Variants in CACNA1H observed in about 807,000 individuals in gnomAD.
The protein encoded by CACNA1H is voltage-dependent T-type calcium channel subunit alpha-1H.
A neutral mutation model predicts 192.5 loss-of-function variants in CACNA1H; 149 were observed. The ratio of observed to expected loss-of-function variants is 0.77; its 90% CI spans 0.68 to 0.89. The LOEUF is 0.89. CACNA1H is among the 40% of genes least tolerant of loss of function. The probability of loss-of-function intolerance (pLI) is 0.00; values close to 1 mark genes in which losing one functional copy is unlikely to be tolerated. For synonymous variants in CACNA1H, 2,202 were observed against 1,475.2 expected, an observed-to-expected ratio of 1.49 and a Z score of -11.29; for missense variants, 4,257 against 3,423.5, an observed-to-expected ratio of 1.24 and a Z score of -6.08.
chr16:1,187,592 C>A (rs1966200923), intron 2 of CACNA1H, among the ~76,000 whole-genome samples: 1 of 152,202 alleles, frequency 6.6e-6, no homozygotes, highest in African/African-American at 2.4e-5. Flanking sequence ...GGCCCAGCCT[C>A]CCGATCCTCC....
chr16:1,219,193 C>T (rs1032652984), intron 34 of CACNA1H, 63 bp downstream of exon 34: 54 of 1,420,954 alleles, frequency 3.8e-5, no homozygotes, highest in African/African-American at 1.6e-4. Context: ...AGGGATGCCT[C>T]GTCTCATCTG....
chr16:1,166,916 C>T (rs1963847112), intron 2 of CACNA1H, among the ~76,000 whole-genome samples: 1 of 152,200 alleles, frequency 6.6e-6, no homozygotes. Context: ...ACCCTGGCTT[C>T]GTGTCTCTTG....
chr16:1,162,250 G>T (rs953136040), intron 2 of CACNA1H, among the ~76,000 whole-genome samples: 1 of 152,126 alleles, frequency 6.6e-6, no homozygotes, highest in Non-Finnish European at 1.5e-5. Flanking sequence ...CCTACCTGTG[G>T]CACTCTGTTA....
intron 26 of CACNA1H, 41 bp downstream of exon 26, chr16:1,212,569 G>T (rs781573084): frequency 6.3e-7 from 1 of 1,597,750 alleles, no homozygotes; most frequent in Non-Finnish European, 8.5e-7. Context: ...CCGCTTCTGC[G>T]GCCGCTGCTC....
Position 1,200,443 on chromosome 16 carries a change from G to A in CACNA1H, c.991G>A (p.Gly331Ser). 1 of 1,611,144 alleles carries A rather than the reference G, an allele frequency of 6.2e-7. No homozygotes were observed. The highest frequency in any genetic ancestry group is 1.1e-5 in the South Asian group (1 of 91,062). Reference protein sequence around the residue: ...AYTQPQAEGVGAARNACINWN... With the variant: ...AYTQPQAEGVSAARNACINWN... The stretch of plus-strand genomic sequence containing the variant: ...CACGCAGCCGCAGGCCGAGGGGGTG[G>A]GCGCTGCACGCAACGCCTGCATCAA... Residue 331 changes from glycine to serine, a missense_variant, in exon 7 of 35, where the codon GGC becomes AGC. Transcript: ENST00000348261.
Position 1,180,747 on chromosome 16 carries a change from C to G in CACNA1H, c.300-14225C>G, listed in dbSNP as rs1339183853. Among the ~76,000 whole-genome samples the G allele has an allele frequency of 1.3e-5, 2 of 152,092 alleles. No homozygotes were observed. The highest frequency in any genetic ancestry group is 2.9e-5 in the Non-Finnish European group (2 of 67,962). ...TGTGCAGCGGGGGCTGGGATGCCGC[C>G]GAATAGGGGCCTGTGGCTCCCACAG... On this transcript the variant is annotated intron_variant, in intron 2 of 34. Coordinates refer to ENST00000348261, the MANE Select transcript of CACNA1H (RefSeq NM_021098.3). This position sits in a 1 kb window ranked among gnomAD's most constrained non-coding sequence, Gnocchi z 4.4.
At chr16:1,193,031 C>T (rs1338093511) in intron 2 of CACNA1H, among the ~76,000 whole-genome samples, 2 of 152,130 alleles carry the variant, frequency 1.3e-5, no homozygotes, top group African/African-American at 4.8e-5. Flanking sequence ...GAGGCAGTGC[C>T]ACCTACAAGA....
At chr16:1,196,103 C>G (rs1966935026) in intron 5 of CACNA1H, 80 bp downstream of exon 5, 4 of 1,132,460 alleles carry the variant, frequency 3.5e-6, no homozygotes, top group Non-Finnish European at 5.3e-6. Flanking sequence ...AAAAGGGCCC[C>G]CAGGAGCACA....
In CACNA1H at chr16:1,220,716, A is replaced by G. The variant is rs761991163; in HGVS notation, c.6784A>G (p.Thr2262Ala). The G allele has an allele frequency of 3.7e-6, 6 of 1,611,372 alleles. No homozygotes were observed. In the South Asian group the frequency reaches 5.5e-5, roughly 15 times the overall value. Reference protein sequence around the residue: ...GQASCRAEHLTVPSFAFEPLD... With the variant: ...GQASCRAEHLAVPSFAFEPLD... ...GGCCTCCTGCCGGGCTGAGCACCTGACCGTCCCCAGCTTTGCCTTTGAGCC... is the reference window on the plus strand; with the variant it reads ...GGCCTCCTGCCGGGCTGAGCACCTGGCCGTCCCCAGCTTTGCCTTTGAGCC... The change falls in exon 35 of 35, where the codon ACC (threonine) becomes GCC (alanine). Residue 2262 changes from threonine to alanine, a missense_variant. Transcript: ENST00000348261.
intron 2 of CACNA1H, among the ~76,000 whole-genome samples, chr16:1,188,815 C>T (rs1451737976): frequency 6.6e-6 from 1 of 152,202 alleles, no homozygotes; most frequent in African/African-American, 2.4e-5. Context: ...TCCCCCCACA[C>T]CTAACCCCGG....
intron 2 of CACNA1H, among the ~76,000 whole-genome samples, chr16:1,174,070 G>T (rs1964630149): frequency 6.6e-6 from 1 of 152,210 alleles, no homozygotes; most frequent in Non-Finnish European, 1.5e-5. Flanking sequence ...CTCCTGATAC[G>T]GGGAGCTGTC....
At chr16:1,183,237 T>C (rs868769161) in intron 2 of CACNA1H, among the ~76,000 whole-genome samples, 1 of 152,154 alleles carries the variant, frequency 6.6e-6, no homozygotes, top group Non-Finnish European at 1.5e-5. Context: ...CTGGGACCCC[T>C]GACGGGTTCT....
In CACNA1H at chr16:1,204,021, G is replaced by A. The variant is rs773332703; in HGVS notation, c.2014G>A (p.Ala672Thr). ...GCCCTCTCCCGCAGGACTGGGCCAG[G>A]CCCCTGGCCATCTGTCGGGCCTCAG... The part of the protein sequence containing the change: ...HVVGEHGLGQ[A>T]PGHLSGLSVP... Residue 672 changes from alanine to threonine, a missense_variant, in exon 10 of 35, where the codon GCC (alanine) becomes ACC (threonine). Transcript: ENST00000348261. 5 of 1,553,384 alleles carry A rather than the reference G, an allele frequency of 3.2e-6. No individual in the cohort carries two copies. The highest frequency in any genetic ancestry group is 2.7e-5 in the African/African-American group (2 of 73,366).
At position 1,215,608 on chromosome 16, in the gene CACNA1H, C is replaced by T. The variant is rs759770029; in HGVS notation, c.5244+15C>T. ...CTCTCCCCCAGGTAGGTGGAGCCCG[C>T]GCCATCCTCAGCGCAGGCCCCCGGA... On this transcript the variant is annotated intron_variant, in intron 30 of 34. Transcript: ENST00000348261. The T allele has an allele frequency of 1.8e-5, 29 of 1,605,770 alleles. No individual in the cohort carries two copies. The highest frequency in any genetic ancestry group is 3.4e-5 in the Admixed American group (2 of 59,642).
rs562034574 is a variant in CACNA1H, at chr16:1,215,587, C to G, written c.5238C>G (p.Leu1746=). Residue 1746 remains leucine (L), a synonymous_variant, in exon 30 of 35, where the codon CTC becomes CTG. Coordinates refer to ENST00000348261, the MANE Select transcript of CACNA1H (RefSeq NM_021098.3). ...TGCTGGACACTGTGGTGCAAGCTCT[C>G]CCCCAGGTAGGTGGAGCCCGCGCCA... The part of the protein sequence containing the change: ...RALLDTVVQA[L]PQVGNLGLLF... 6 of 1,610,952 alleles carry G rather than the reference C, an allele frequency of 3.7e-6. No homozygotes were observed. Among genetic ancestry groups the G allele is most frequent in the South Asian group, 2.2e-5 (2 of 90,712 alleles).
chr16:1,161,481 G>A (rs1163283722), intron 2 of CACNA1H, among the ~76,000 whole-genome samples: 3 of 152,170 alleles, frequency 2.0e-5, no homozygotes, highest in Admixed American at 6.5e-5. Context: ...TTTGGGCAAG[G>A]TGGTCTTTAG....
intron 7 of CACNA1H, 67 bp downstream of exon 7, chr16:1,200,638 C>T (rs377726477): frequency 1.3e-6 from 2 of 1,593,492 alleles, no homozygotes; most frequent in Non-Finnish European, 1.7e-6. Flanking sequence ...GGACTCGCCC[C>T]CCCCAGCCCA....
At position 1,180,857 on chromosome 16, in the gene CACNA1H, G is replaced by A. The variant is rs1332788035; in HGVS notation, c.300-14115G>A. On this transcript the variant is annotated intron_variant, in intron 2 of 34. Coordinates refer to ENST00000348261, the MANE Select transcript of CACNA1H (RefSeq NM_021098.3). The surrounding 1 kb of genome is among the most constrained non-coding windows in gnomAD (Gnocchi z 4.4). ...CCCTGGACTCCCCGGGCCAGCACCCGACCTGGCCGCCAGCGTGCTGAGGAC... is the reference window on the plus strand; with the variant it reads ...CCCTGGACTCCCCGGGCCAGCACCCAACCTGGCCGCCAGCGTGCTGAGGAC... 6.6e-6 allele frequency among the ~76,000 whole-genome samples: 1 copy of A among 152,170 alleles called. No individual in the cohort carries two copies. Among genetic ancestry groups the A allele is most frequent in the East Asian group, 1.9e-4 (1 of 5,188 alleles).
intron 2 of CACNA1H, among the ~76,000 whole-genome samples, chr16:1,191,146 T>C (rs28413997): frequency 2.0e-3 from 128 of 63,578 alleles, no homozygotes; most frequent in African/African-American, 9.7e-3. Flanking sequence ...TCTCTCTGAC[T>C]CAGCAGGCTG....
Sources: gnomAD v4.1 joint callset for allele counts (sites outside exome capture counted in the v4.1 genomes callset) on GRCh38, gnomAD v4.1.1 for gene constraint, Gnocchi (gnomAD v3.1) non-coding constraint, MANE v1.5 for transcripts, NCBI Gene and HGNC (gene_info 2026-07-23, HGNC 2026-07-21) for gene names.